Variants in NTRK3 observed in about 807,000 individuals in gnomAD.
NTRK3 encodes the protein NT-3 growth factor receptor.
Under a neutral mutation model 91.7 loss-of-function variants are expected in NTRK3, and 24 were observed. The observed-to-expected ratio is 0.26, with a 90% CI of 0.19 to 0.37. The LOEUF is 0.37. NTRK3 is among the 10% of genes least tolerant of loss of function. The pLI, the probability that NTRK3 is intolerant of heterozygous loss-of-function variation, is 1.00. For missense variants in NTRK3, 880 were observed against 1,068.9 expected (o/e 0.82, Z 2.46); for synonymous variants, 483 against 404.0 (o/e 1.20, Z -2.34).
At position 88,120,533 on chromosome 15, in the gene NTRK3, C is replaced by A. The variant is rs114838504; in HGVS notation, c.1396+5738G>T. Among the ~76,000 whole-genome samples the A allele has an allele frequency of 8.3e-3, 1,258 of 152,266 alleles. 10 individuals carry two copies. Among genetic ancestry groups the A allele is most frequent in the African/African-American group, 0.029 (1,187 of 41,528 alleles). On this transcript the variant is annotated intron_variant, in intron 13 of 18. Transcript: ENST00000394480. ...CAGCAGTTCTTGATGCCCTTCCTTC[C>A]CGGCCTTCCCACTTCCGCTGTCCTG...
At chr15:88,228,364 A>G (rs533003391) in intron 3 of NTRK3, among the ~76,000 whole-genome samples, 1 of 152,026 alleles carries the variant, frequency 6.6e-6, no homozygotes, top group African/African-American at 2.4e-5. Context: ...GCTGTCTGCT[A>G]CTTCCAATCC....
At chr15:88,012,789 T>C (rs746632431) in intron 14 of NTRK3, among the ~76,000 whole-genome samples, 4 of 152,238 alleles carry the variant, frequency 2.6e-5, no homozygotes, top group Non-Finnish European at 5.9e-5. Context: ...GTGCTTCTCA[T>C]ACTTTGATGT....
chr15:87,935,407 G>A (rs1042993250), intron 15 of NTRK3, among the ~76,000 whole-genome samples: 3 of 152,176 alleles, frequency 2.0e-5, no homozygotes, highest in African/African-American at 7.2e-5. Flanking sequence ...CGAATAGGAT[G>A]TAATGTCTAC....
At chr15:87,889,408 T>C (rs973936380) in intron 17 of NTRK3, among the ~76,000 whole-genome samples, 11 of 143,158 alleles carry the variant, frequency 7.7e-5, no homozygotes, top group Admixed American at 2.1e-4. Flanking sequence ...TTTTTTTTTT[T>C]TTTTTTTTTT....
At chr15:87,960,722 G>A (rs962943140) in intron 14 of NTRK3, among the ~76,000 whole-genome samples, 5 of 152,072 alleles carry the variant, frequency 3.3e-5, no homozygotes, top group Admixed American at 2.6e-4. Context: ...CGGCCTCAAA[G>A]AATCTGCCTG....
intron 14 of NTRK3, among the ~76,000 whole-genome samples, chr15:87,949,222 T>C (rs768032871): frequency 2.0e-5 from 3 of 151,934 alleles, no homozygotes; most frequent in Non-Finnish European, 4.4e-5. Flanking sequence ...GCCAGGAAGT[T>C]CCTAAGAACA....
At chr15:88,125,655 C>T (rs1483953748) in intron 13 of NTRK3, among the ~76,000 whole-genome samples, 1 of 152,194 alleles carries the variant, frequency 6.6e-6, no homozygotes, top group African/African-American at 2.4e-5. Context: ...TGCCAGTCCC[C>T]TTACCCGAGC....
chr15:88,089,203 C>T (rs960213874), intron 13 of NTRK3, among the ~76,000 whole-genome samples: 1 of 152,186 alleles, frequency 6.6e-6, no homozygotes, highest in Non-Finnish European at 1.5e-5. Context: ...GCATTCAAAT[C>T]CTGCCCTACC....
chr15:88,155,805 CATCT>C (rs71146401), intron 5 of NTRK3, among the ~76,000 whole-genome samples: 34,808 of 150,576 alleles, frequency 0.23, 4,396 homozygotes, highest in African/African-American at 0.35. Flanking sequence ...TGTAATCTAT[CATCT>C]ATCTATCTAT....
intron 13 of NTRK3, among the ~76,000 whole-genome samples, chr15:88,106,939 T>TA (rs796587643): frequency 0.036 from 4,450 of 122,822 alleles, 196 homozygotes; most frequent in African/African-American, 0.11. Flanking sequence ...TCTCAAAAAG[T>TA]AAAAAAAAAA....
At chr15:87,886,178 GA>G (rs1410925413) in intron 17 of NTRK3, among the ~76,000 whole-genome samples, 1 of 152,044 alleles carries the variant, frequency 6.6e-6, no homozygotes, top group Non-Finnish European at 1.5e-5. Flanking sequence ...TTGTGTTTGA[GA>G]GGGGTGAGGA....
At chr15:88,245,050 CCATA>C in intron 3 of NTRK3, among the ~76,000 whole-genome samples, 1 of 152,336 alleles carries the variant, frequency 6.6e-6, no homozygotes, top group East Asian at 1.9e-4. Context: ...TTAGCAGGAG[CCATA>C]ACAATCTCCC....
intron 3 of NTRK3, 89 bp from the exon 4 acceptor site, chr15:88,184,388 G>C: frequency 8.0e-7 from 1 of 1,250,706 alleles, no homozygotes; most frequent in Non-Finnish European, 1.2e-6. Context: ...TTTGATCCCC[G>C]ATGAGCTAAT....
rs569476902 is a variant in NTRK3, at chr15:87,883,045, G to A, written c.2134-2617C>T. On this transcript the variant is annotated intron_variant, in intron 17 of 18. Transcript: ENST00000394480. Reference sequence around the variant, plus strand: ...CAGAAAACATTGAAAATGGAAGAGTGCTAAAAATACAACTATACATAAAAG... The same window carrying A: ...CAGAAAACATTGAAAATGGAAGAGTACTAAAAATACAACTATACATAAAAG... 2.6e-5 allele frequency among the ~76,000 whole-genome samples: 4 copies of A among 151,518 alleles called. No homozygotes were observed. In the East Asian group the frequency reaches 7.7e-4, roughly 29 times the overall value.
intron 3 of NTRK3, among the ~76,000 whole-genome samples, chr15:88,215,983 A>C (rs992250258): frequency 2.0e-5 from 3 of 152,168 alleles, no homozygotes; most frequent in Non-Finnish European, 4.4e-5. Flanking sequence ...TTTAAACTCT[A>C]TCCTATGCTG....
At chr15:88,249,977 A>G (rs1267605810) in intron 3 of NTRK3, among the ~76,000 whole-genome samples, 1 of 152,154 alleles carries the variant, frequency 6.6e-6, no homozygotes, top group East Asian at 1.9e-4. Context: ...TTGGGTGGAA[A>G]AAAACTTCCT....
intron 13 of NTRK3, among the ~76,000 whole-genome samples, chr15:88,038,828 G>C (rs2079317104): frequency 6.6e-6 from 1 of 151,670 alleles, no homozygotes; most frequent in Non-Finnish European, 1.5e-5. Context: ...GAACCACTGA[G>C]AGAGACACCA....
chr15:88,060,523 C>T (rs1017979644), intron 13 of NTRK3, among the ~76,000 whole-genome samples: 41 of 152,034 alleles, frequency 2.7e-4, no homozygotes, highest in African/African-American at 9.2e-4. Context: ...GCTAGCGTGA[C>T]TGAGGGGAAG....
intron 14 of NTRK3, chr15:87,977,227 C>A (rs2073805487): frequency 6.0e-6 from 1 of 166,540 alleles, no homozygotes; most frequent in Non-Finnish European, 1.3e-5. Context: ...ATTGTGAACA[C>A]CTTTGTAAAC....
Sources: allele counts gnomAD v4.1 joint callset (sites outside exome capture counted in the v4.1 genomes callset), GRCh38; gene constraint gnomAD v4.1.1; transcripts MANE v1.5; gene names NCBI Gene and HGNC (gene_info 2026-07-23, HGNC 2026-07-21).